Variants in GRM8 observed in about 807,000 individuals in gnomAD.
The protein encoded by GRM8 is glutamate metabotropic receptor 8.
Under a neutral mutation model 87.2 loss-of-function variants are expected in GRM8, and 47 were observed. The observed-to-expected ratio is 0.54, with a 90% CI of 0.43 to 0.69. GRM8 has a LOEUF of 0.69. Ranked by LOEUF, GRM8 falls within the 30% of genes least tolerant of loss-of-function variation. GRM8 has a pLI of 0.00. For missense variants in GRM8, 1,019 were observed against 1,139.2 expected (o/e 0.89, Z 1.52); for synonymous variants, 396 against 404.5 (o/e 0.98, Z 0.25).
chr7:126,940,303 T>A (rs1360991838), intron 3 of GRM8, among the ~76,000 whole-genome samples: 1 of 152,212 alleles, frequency 6.6e-6, no homozygotes, highest in Non-Finnish European at 1.5e-5. Context: ...ATTTACAGTG[T>A]TTCCTCTTGC....
intron 7 of GRM8, among the ~76,000 whole-genome samples, chr7:126,629,051 A>T (rs537483781): frequency 9.5e-4 from 144 of 152,334 alleles, no homozygotes; most frequent in Middle Eastern, 6.8e-3. Flanking sequence ...AGAAAGGTAT[A>T]CTAAACAACA....
chr7:127,012,546 T>C (rs1331293183), intron 3 of GRM8, among the ~76,000 whole-genome samples: 2 of 152,138 alleles, frequency 1.3e-5, no homozygotes, highest in African/African-American at 4.8e-5. Flanking sequence ...TTAAATAGCA[T>C]TTTTACTGCC....
intron 2 of GRM8, among the ~76,000 whole-genome samples, chr7:127,124,675 A>T (rs1827264864): frequency 6.6e-6 from 1 of 152,130 alleles, no homozygotes; most frequent in African/African-American, 2.4e-5. Flanking sequence ...TGGATAATGA[A>T]CCTCCATTTA....
At chr7:126,527,345 G>A (rs974780525) in intron 9 of GRM8, among the ~76,000 whole-genome samples, 18 of 152,082 alleles carry the variant, frequency 1.2e-4, no homozygotes, top group East Asian at 3.8e-4. Flanking sequence ...GCAACAGAGC[G>A]AGACTTCATC....
At chr7:126,498,447 C>T (rs1301301278) in intron 9 of GRM8, among the ~76,000 whole-genome samples, 2 of 151,816 alleles carry the variant, frequency 1.3e-5, no homozygotes, top group Non-Finnish European at 2.9e-5. Flanking sequence ...GAAGATTCTG[C>T]TTTCTGCAAG....
chr7:126,960,332 AG>A (rs761855599), intron 3 of GRM8, among the ~76,000 whole-genome samples: 10 of 152,220 alleles, frequency 6.6e-5, no homozygotes, highest in Non-Finnish European at 1.3e-4. Flanking sequence ...TCGAAAATCC[AG>A]GGGAAAAAAA....
At chr7:126,816,055 A>G (rs1220113661) in intron 6 of GRM8, among the ~76,000 whole-genome samples, 1 of 152,038 alleles carries the variant, frequency 6.6e-6, no homozygotes, top group African/African-American at 2.4e-5. Flanking sequence ...CTAATGCACA[A>G]TCTCCACAGC....
intron 8 of GRM8, among the ~76,000 whole-genome samples, chr7:126,601,907 C>G (rs1219668516): frequency 8.6e-5 from 12 of 140,016 alleles, no homozygotes; most frequent in Non-Finnish European, 1.6e-5. Context: ...ATGGTAGTTT[C>G]TTTTGCTGTG....
intron 2 of GRM8, among the ~76,000 whole-genome samples, chr7:127,230,715 G>A (rs1797633149): frequency 6.6e-6 from 1 of 152,102 alleles, no homozygotes; most frequent in Non-Finnish European, 1.5e-5. Flanking sequence ...ACCATGTGAG[G>A]ATGCAACAAG....
chr7:126,831,572 G>C (rs4731332), intron 6 of GRM8, among the ~76,000 whole-genome samples: 62,034 of 152,064 alleles, frequency 0.41, 13,574 homozygotes, highest in Non-Finnish European at 0.49. Flanking sequence ...TATTTGGGTG[G>C]GAGTGGCCCA....
chr7:126,941,136 A>C (rs1003706945), intron 3 of GRM8, among the ~76,000 whole-genome samples: 7 of 152,156 alleles, frequency 4.6e-5, no homozygotes, highest in African/African-American at 1.4e-4. Flanking sequence ...GGGACTTCCC[A>C]GTGCCCTGCA....
intron 3 of GRM8, among the ~76,000 whole-genome samples, chr7:127,048,923 T>C (rs1819196947): frequency 6.6e-6 from 1 of 152,206 alleles, no homozygotes; most frequent in African/African-American, 2.4e-5. Context: ...TTGAATGGCT[T>C]ATGGATAAAA....
intron 6 of GRM8, among the ~76,000 whole-genome samples, chr7:126,775,912 C>T (rs1258430509): frequency 1.3e-5 from 2 of 152,112 alleles, no homozygotes; most frequent in Non-Finnish European, 2.9e-5. Flanking sequence ...CTCTGCTCCA[C>T]TCTTAGGTCC....
intron 8 of GRM8, among the ~76,000 whole-genome samples, chr7:126,552,088 C>A (rs1792653828): frequency 6.6e-6 from 1 of 152,082 alleles, no homozygotes; most frequent in Non-Finnish European, 1.5e-5. Context: ...TTCTTCCATT[C>A]CTAGCTGTCA....
At chr7:126,649,278 C>G (rs1165864240) in intron 7 of GRM8, among the ~76,000 whole-genome samples, 1 of 152,146 alleles carries the variant, frequency 6.6e-6, no homozygotes, top group Non-Finnish European at 1.5e-5. Context: ...CAGACCCACC[C>G]TTAATATGGG....
rs201077472 is a variant in GRM8, at chr7:127,223,316, C to CA, written c.510+19378dup. ...TACACATAGACCAAAAACAAATAAG[C>CA]AAAAAAAGCTCCTCTCTTTGTCCAA... On this transcript the variant is annotated intron_variant, in intron 2 of 10. Coordinates refer to ENST00000339582, the MANE Select transcript of GRM8 (RefSeq NM_000845.3). 7.9e-3 allele frequency among the ~76,000 whole-genome samples: 1,196 copies of CA among 151,770 alleles called. 14 individuals are homozygous for CA. The highest frequency in any genetic ancestry group is 0.026 in the African/African-American group (1,080 of 41,394).
At chr7:126,592,271 A>C (rs1276737667) in intron 8 of GRM8, among the ~76,000 whole-genome samples, 1 of 151,874 alleles carries the variant, frequency 6.6e-6, no homozygotes. Flanking sequence ...TTCCAAATTC[A>C]TTTTACAAGA....
intron 9 of GRM8, among the ~76,000 whole-genome samples, chr7:126,455,289 G>A (rs543081580): frequency 1.4e-5 from 2 of 147,398 alleles, no homozygotes; most frequent in South Asian, 4.2e-4. Flanking sequence ...GATTCAAACT[G>A]AGGTTTCTCT....
intron 6 of GRM8, among the ~76,000 whole-genome samples, chr7:126,791,288 A>G (rs1171824389): frequency 1.3e-5 from 2 of 152,204 alleles, no homozygotes; most frequent in Non-Finnish European, 2.9e-5. Flanking sequence ...TTCTCTTGCT[A>G]CTAGCATTCT....
Sources: gnomAD v4.1 joint callset for allele counts (sites outside exome capture counted in the v4.1 genomes callset) on GRCh38, gnomAD v4.1.1 for gene constraint, MANE v1.5 for transcripts, NCBI Gene and HGNC (gene_info 2026-07-23, HGNC 2026-07-21) for gene names.